The following BACH2 variants were observed in gnomAD, a reference collection of about 807,000 sequenced individuals.
BACH2 encodes the protein BACH transcriptional regulator 2.
Under a neutral mutation model 61.8 loss-of-function variants are expected in BACH2, and 5 were observed. That is an observed-to-expected ratio of 0.08 (90% CI 0.04 to 0.17). The LOEUF (loss-of-function observed/expected upper bound fraction) is 0.17, where lower values mean the gene tolerates loss of function less well. Ranked by LOEUF, BACH2 falls within the 10% of genes least tolerant of loss-of-function variation. BACH2 has a pLI of 1.00. For synonymous variants in BACH2, 446 were observed against 440.1 expected (o/e 1.01, Z -0.17); for missense variants, 824 against 1,091.1 (o/e 0.76, Z 3.45).
In BACH2 at chr6:89,988,123, T is replaced by A. The variant is rs990411872; in HGVS notation, c.243+20479A>T. ...ATTGATAGGATGAAATAGAAGGCAG[T>A]ATTTTAAAAAAATCAAGTCAATAAT... is the stretch of plus-strand genomic sequence containing the variant. On this transcript the variant is annotated intron_variant, in intron 6 of 8. Transcript: ENST00000257749. Among the ~76,000 whole-genome samples, 3 of 152,220 alleles carry A rather than the reference T, an allele frequency of 2.0e-5. No homozygotes were observed. In the East Asian group the frequency reaches 5.8e-4, roughly 29 times the overall value.
intron 4 of BACH2, among the ~76,000 whole-genome samples, chr6:90,114,818 T>A (rs753154167): frequency 6.6e-6 from 1 of 152,058 alleles, no homozygotes. Context: ...TTCAACGAAG[T>A]TGCAGGATAC....
At chr6:90,235,325 G>A (rs569534699) in intron 3 of BACH2, among the ~76,000 whole-genome samples, 26 of 152,226 alleles carry the variant, frequency 1.7e-4, no homozygotes, top group Non-Finnish European at 1.5e-4. Flanking sequence ...CTTTGCTCTC[G>A]GTTTCCCAGT....
intron 1 of BACH2, among the ~76,000 whole-genome samples, chr6:90,284,578 G>A (rs762839465): frequency 2.6e-5 from 4 of 152,116 alleles, no homozygotes; most frequent in Non-Finnish European, 5.9e-5. Flanking sequence ...ACACAGCCCC[G>A]ACAGGAGATG....
At chr6:89,942,599 C>A (rs1009272339) in intron 7 of BACH2, among the ~76,000 whole-genome samples, 1 of 152,144 alleles carries the variant, frequency 6.6e-6, no homozygotes, top group African/African-American at 2.4e-5. Flanking sequence ...TGTGGACTGT[C>A]GCCATCCCCA....
intron 4 of BACH2, among the ~76,000 whole-genome samples, chr6:90,183,805 C>T (rs1303451055): frequency 6.6e-6 from 1 of 152,164 alleles, no homozygotes; most frequent in Admixed American, 6.5e-5. Context: ...TGAGTGATGG[C>T]TGGATTTCAT....
chr6:90,291,156 G>A (rs767000215), intron 1 of BACH2, among the ~76,000 whole-genome samples: 4 of 152,326 alleles, frequency 2.6e-5, no homozygotes, highest in Non-Finnish European at 5.9e-5. Context: ...CAGGGAATAT[G>A]CTGAAGAAAC....
chr6:90,185,904 C>A (rs2127842884), intron 4 of BACH2, among the ~76,000 whole-genome samples: 1 of 152,294 alleles, frequency 6.6e-6, no homozygotes, highest in South Asian at 2.1e-4. Flanking sequence ...GTAGTTGGTT[C>A]TTTTTCACTC....
In BACH2 at chr6:89,931,429, GC is replaced by G. The variant is rs1246401731; in HGVS notation, c.*978del. The G allele has an allele frequency of 6.5e-6, 1 of 152,682 alleles. No homozygotes were observed. The highest frequency in any genetic ancestry group is 1.9e-4 in the East Asian group (1 of 5,308). The allele number at this position is 152,682 out of a possible 1,614,324, so 9.5% of individuals were successfully genotyped here. On this transcript the variant is annotated 3_prime_UTR_variant, in exon 9 of 9. Coordinates refer to ENST00000257749, the MANE Select transcript of BACH2 (RefSeq NM_021813.4). ...TTTCCTACATAATTATCACCTGAGT[GC>G]TTTTTAATTAGCTAAAATGTTTTAC...
At chr6:89,967,899 C>G (rs1362578284) in intron 6 of BACH2, among the ~76,000 whole-genome samples, 1 of 152,204 alleles carries the variant, frequency 6.6e-6, no homozygotes, top group African/African-American at 2.4e-5. Context: ...ATGCTTCTGA[C>G]ATGGACTATG....
At chr6:89,989,200 A>G (rs901395336) in intron 6 of BACH2, among the ~76,000 whole-genome samples, 1 of 152,216 alleles carries the variant, frequency 6.6e-6, no homozygotes, top group Non-Finnish European at 1.5e-5. Context: ...AAATGTACAC[A>G]GTTTGGTAGT....
intron 4 of BACH2, among the ~76,000 whole-genome samples, chr6:90,186,927 A>T (rs970408981): frequency 6.6e-6 from 1 of 152,232 alleles, no homozygotes; most frequent in Non-Finnish European, 1.5e-5. Context: ...ACTCTTAACC[A>T]CTAAGGACTT....
At chr6:90,191,017 G>A (rs1266048182) in intron 4 of BACH2, among the ~76,000 whole-genome samples, 2 of 152,240 alleles carry the variant, frequency 1.3e-5, no homozygotes, top group Non-Finnish European at 2.9e-5. Context: ...GAGAAAAGGT[G>A]AAGTGTTTCA....
chr6:90,163,604 C>G (rs1456110110), intron 4 of BACH2, among the ~76,000 whole-genome samples: 2 of 151,942 alleles, frequency 1.3e-5, no homozygotes, highest in Non-Finnish European at 2.9e-5. Flanking sequence ...TAAATCAAGA[C>G]TAAAGGTAGA....
chr6:89,958,793 G>T (rs1774569390), intron 6 of BACH2, among the ~76,000 whole-genome samples: 2 of 152,126 alleles, frequency 1.3e-5, no homozygotes, highest in Non-Finnish European at 2.9e-5. Context: ...TAAAAGAAAG[G>T]CATGTCTCAC....
At chr6:90,064,353 G>A (rs1030750158) in intron 5 of BACH2, among the ~76,000 whole-genome samples, 4 of 152,196 alleles carry the variant, frequency 2.6e-5, no homozygotes, top group African/African-American at 7.2e-5. Flanking sequence ...GATACCCTAC[G>A]CAGAAAGGAC....
At chr6:90,014,155 CA>C (rs1343222773) in intron 5 of BACH2, among the ~76,000 whole-genome samples, 1 of 151,840 alleles carries the variant, frequency 6.6e-6, no homozygotes, top group African/African-American at 2.4e-5. Context: ...CATCTATGTT[CA>C]ATACGGAGAT....
intron 3 of BACH2, among the ~76,000 whole-genome samples, chr6:90,234,292 ACAGATT>A (rs1013939655): frequency 7.2e-5 from 11 of 152,232 alleles, no homozygotes; most frequent in Admixed American, 2.0e-4. Flanking sequence ...TTCCTCACAA[ACAGATT>A]CAGAAGTGCA....
At chr6:90,192,093 C>T (rs528002198) in intron 4 of BACH2, among the ~76,000 whole-genome samples, 1 of 152,136 alleles carries the variant, frequency 6.6e-6, no homozygotes, top group Non-Finnish European at 1.5e-5. Context: ...AGTAACAGAA[C>T]AATAAGACAG....
chr6:89,940,252 C>T (rs1049429079), intron 7 of BACH2, among the ~76,000 whole-genome samples: 12 of 152,262 alleles, frequency 7.9e-5, no homozygotes, highest in East Asian at 1.9e-4. Context: ...TCAAGTGATC[C>T]GCCCGCCTTG....
Sources: allele counts gnomAD v4.1 joint callset (sites outside exome capture counted in the v4.1 genomes callset), GRCh38; gene constraint gnomAD v4.1.1; transcripts MANE v1.5; gene names NCBI Gene and HGNC (gene_info 2026-07-23, HGNC 2026-07-21).